The following PARN variants were observed in gnomAD, a reference collection of about 807,000 sequenced individuals.
The protein encoded by PARN is poly(A)-specific ribonuclease, also known as poly(A)-specific ribonuclease PARN.
PARN carries 71 observed loss-of-function variants against 102.8 expected under a neutral mutation model. The observed-to-expected ratio is 0.69, with a 90% CI of 0.57 to 0.84. PARN has a LOEUF of 0.84. Among genes scored for constraint, PARN ranks in the 40% least tolerant of loss-of-function variants. The pLI, the probability that PARN is intolerant of heterozygous loss-of-function variation, is 0.00. For synonymous variants in PARN, 261 were observed against 252.9 expected (o/e 1.03, Z -0.30); for missense variants, 782 against 760.9 (o/e 1.03, Z -0.33).
chr16:14,493,378 GC>G, intron 21 of PARN, among the ~76,000 whole-genome samples: 1 of 152,222 alleles, frequency 6.6e-6, no homozygotes. Context: ...ACAACACCTG[GC>G]TGATTTTTGT....
At chr16:14,523,398 G>A (rs1038672020) in intron 21 of PARN, among the ~76,000 whole-genome samples, 2 of 152,066 alleles carry the variant, frequency 1.3e-5, no homozygotes, top group Non-Finnish European at 2.9e-5. Flanking sequence ...TCAAACAAAC[G>A]TGGCACATTT....
chr16:14,556,154 T>C (rs555696126), intron 18 of PARN, among the ~76,000 whole-genome samples: 9 of 148,110 alleles, frequency 6.1e-5, no homozygotes, highest in African/African-American at 2.0e-4. Flanking sequence ...TTATTATTAC[T>C]ATTATTATTA....
At chr16:14,483,142 C>T (rs950992927) in intron 21 of PARN, among the ~76,000 whole-genome samples, 2 of 152,186 alleles carry the variant, frequency 1.3e-5, no homozygotes, top group African/African-American at 4.8e-5. Context: ...GCCAACATTA[C>T]TATTTGGATA....
At chr16:14,608,389 T>C (rs1971322415) in intron 8 of PARN, 70 bp from the exon 9 acceptor site, 2 of 977,020 alleles carry the variant, frequency 2.0e-6, no homozygotes, top group South Asian at 1.5e-5. Flanking sequence ...CAAGCATTTG[T>C]TGAGAAGGAT....
intron 19 of PARN, among the ~76,000 whole-genome samples, chr16:14,554,641 G>C (rs1016222758): frequency 6.6e-6 from 1 of 150,882 alleles, no homozygotes; most frequent in Admixed American, 6.6e-5. Flanking sequence ...TGGGGGTCTC[G>C]CTATGCTGCC....
intron 15 of PARN, 45 bp downstream of exon 15, chr16:14,584,704 C>T (rs1969737392): frequency 2.2e-6 from 3 of 1,358,520 alleles, no homozygotes; most frequent in Middle Eastern, 1.8e-4. Flanking sequence ...ATTCATTTCA[C>T]TCAGTAATAT....
intron 21 of PARN, among the ~76,000 whole-genome samples, chr16:14,494,835 C>T (rs899862742): frequency 3.3e-5 from 5 of 152,070 alleles, no homozygotes; most frequent in South Asian, 4.2e-4. Flanking sequence ...CACAGTTCTC[C>T]GAGTCCTAGC....
At chr16:14,487,334 C>T (rs984179748) in intron 21 of PARN, among the ~76,000 whole-genome samples, 2 of 152,158 alleles carry the variant, frequency 1.3e-5, no homozygotes, top group African/African-American at 4.8e-5. Context: ...TATTTATATG[C>T]ATTTTGTTTA....
chr16:14,610,950 T>C (rs942212819), intron 6 of PARN, 141 bp from the exon 7 acceptor site: 10 of 627,540 alleles, frequency 1.6e-5, no homozygotes, highest in Admixed American at 2.9e-5. Context: ...GAAAGGCAAA[T>C]GATTTTGAAA....
At chr16:14,580,714 G>A (rs1041837118) in intron 18 of PARN, among the ~76,000 whole-genome samples, 160 bp downstream of exon 18, 2 of 151,606 alleles carry the variant, frequency 1.3e-5, no homozygotes, top group Non-Finnish European at 2.9e-5. Flanking sequence ...TTCCCCAAAA[G>A]GTCACTTTCT....
In PARN at chr16:14,549,737, G is replaced by A. The variant is rs373302013; in HGVS notation, c.1480+2284C>T. Among the ~76,000 whole-genome samples the A allele has an allele frequency of 1.4e-4, 21 of 152,322 alleles. No individual in the cohort carries two copies. The East Asian group carries it at 3.5e-3, about 25-fold the overall frequency. ...CACTCTTACACACTGTTCACAGCAA[G>A]GGAGGCCAAGCAGCTATTTTAATAA... is the stretch of plus-strand genomic sequence containing the variant. On this transcript the variant is annotated intron_variant, in intron 21 of 23. Coordinates refer to ENST00000437198, the MANE Select transcript of PARN (RefSeq NM_002582.4).
intron 14 of PARN, among the ~76,000 whole-genome samples, chr16:14,585,989 T>TC (rs1394288538): frequency 1.3e-5 from 2 of 149,810 alleles, no homozygotes; most frequent in African/African-American, 2.5e-5. Context: ...TCTTTTTTTT[T>TC]TTTTTTTTTT....
At chr16:14,624,825 G>A (rs1972541889) in intron 5 of PARN, among the ~76,000 whole-genome samples, 1 of 152,192 alleles carries the variant, frequency 6.6e-6, no homozygotes, top group Non-Finnish European at 1.5e-5. Context: ...GCCAAGATGG[G>A]AGGATCACCT....
chr16:14,523,055 A>G (rs1378872313), intron 21 of PARN, among the ~76,000 whole-genome samples: 2 of 152,208 alleles, frequency 1.3e-5, no homozygotes, highest in Non-Finnish European at 1.5e-5. Flanking sequence ...AAAGGATGAA[A>G]AAGATGTATC....
chr16:14,562,210 C>A (rs1368598304), intron 18 of PARN, among the ~76,000 whole-genome samples: 1 of 152,100 alleles, frequency 6.6e-6, no homozygotes, highest in African/African-American at 2.4e-5. Flanking sequence ...AGCATAGTGG[C>A]TCATGCCCGT....
At chr16:14,605,533 T>C (rs569726623) in intron 10 of PARN, among the ~76,000 whole-genome samples, 2 of 152,352 alleles carry the variant, frequency 1.3e-5, no homozygotes, top group South Asian at 2.1e-4. Context: ...TACATATATA[T>C]GTTGTATTAC....
chr16:14,588,869 A>G (rs1452585639), intron 13 of PARN, among the ~76,000 whole-genome samples: 4 of 151,846 alleles, frequency 2.6e-5, no homozygotes, highest in African/African-American at 9.7e-5. Context: ...CGACAGAGTG[A>G]GACTCTGTCT....
intron 5 of PARN, among the ~76,000 whole-genome samples, chr16:14,618,661 A>G (rs948469861): frequency 2.6e-5 from 4 of 151,784 alleles, no homozygotes; most frequent in African/African-American, 4.8e-5. Flanking sequence ...TGTCTCAAAA[A>G]AAAAAAAAAA....
rs748320042 is a variant in PARN at position 14,563,699 on chromosome 16, CTT to C, written c.1263-7992_1263-7991del. On this transcript the variant is annotated intron_variant, in intron 18 of 23. Transcript: ENST00000437198. The stretch of plus-strand genomic sequence containing the variant: ...GACAGGTGCACACCACCGCACCTGG[CTT>C]TTTTTTTTTTTTTAGTTATACAATT... 5.0e-3 allele frequency among the ~76,000 whole-genome samples: 668 copies of C among 132,586 alleles called. 4 individuals carry two copies. The highest frequency in any genetic ancestry group is 0.017 in the African/African-American group (633 of 36,324). The allele number at this position is 132,586 out of a possible 152,430, so 87.0% of individuals were successfully genotyped here.
Sources: allele counts gnomAD v4.1 joint callset (sites outside exome capture counted in the v4.1 genomes callset), GRCh38; gene constraint gnomAD v4.1.1; transcripts MANE v1.5; gene names NCBI Gene and HGNC (gene_info 2026-07-23, HGNC 2026-07-21).